PCYOX1: variants seen among roughly 807,000 people sequenced by gnomAD.
PCYOX1 encodes the protein prenylcysteine lyase.
Under a neutral mutation model 46.4 loss-of-function variants are expected in PCYOX1, and 46 were observed. The ratio of observed to expected loss-of-function variants is 0.99; its 90% CI spans 0.78 to 1.27. The LOEUF is 1.27. Among genes scored for constraint, PCYOX1 ranks in the 50% most tolerant of loss-of-function variants. PCYOX1 has a pLI of 0.00. For missense variants in PCYOX1, 658 were observed against 628.3 expected, an observed-to-expected ratio of 1.05 and a Z score of -0.51; for synonymous variants, 220 against 231.8, an observed-to-expected ratio of 0.95 and a Z score of 0.46.
At chr2:70,275,228 C>G in intron 4 of PCYOX1, 58 bp downstream of exon 4, 1 of 1,360,756 alleles carries the variant, frequency 7.3e-7, no homozygotes. Context: ...TTACCTGATG[C>G]TATGGTGGTT....
rs576504564 is a variant in PCYOX1 at position 70,275,784 on chromosome 2, A to G, written c.859+118A>G. On this transcript the variant is annotated intron_variant, in intron 5 of 5. Transcript: ENST00000433351. Reference sequence around the variant, plus strand: ...CTAAAATGATGAAACTTGAAATTGTATATATTGTACCATATAGAAATATTC... The same window carrying G: ...CTAAAATGATGAAACTTGAAATTGTGTATATTGTACCATATAGAAATATTC... The G allele has an allele frequency of 8.7e-5, 87 of 998,412 alleles. 1 individual carries two copies. In the South Asian group the frequency reaches 1.3e-3, roughly 14 times the overall value. The allele number at this position is 998,412 out of a possible 1,614,324, so 61.8% of individuals were successfully genotyped here.
intron 5 of PCYOX1, 151 bp downstream of exon 5, chr2:70,275,817 G>C: frequency 1.3e-6 from 1 of 794,940 alleles, no homozygotes; most frequent in East Asian, 2.7e-5. Flanking sequence ...TTCCCCAATG[G>C]GCCAGGCACG....
chr2:70,267,150 G>A (rs930624855), intron 3 of PCYOX1, among the ~76,000 whole-genome samples: 2 of 151,952 alleles, frequency 1.3e-5, no homozygotes, highest in Non-Finnish European at 2.9e-5. Flanking sequence ...GTTCCCAGAC[G>A]GCGTCGCGGC....
intron 3 of PCYOX1, among the ~76,000 whole-genome samples, chr2:70,271,900 A>G (rs1244688801): frequency 6.6e-6 from 1 of 152,212 alleles, no homozygotes; most frequent in African/African-American, 2.4e-5. Flanking sequence ...ATTATCAGAT[A>G]TTTCAAAATA....
intron 3 of PCYOX1, among the ~76,000 whole-genome samples, chr2:70,268,599 A>G (rs1025734656): frequency 6.6e-6 from 1 of 152,090 alleles, no homozygotes; most frequent in African/African-American, 2.4e-5. Context: ...GGAGTTCGAG[A>G]CCAGCCTGAC....
chr2:70,263,848 A>T (rs1456376263), intron 3 of PCYOX1, among the ~76,000 whole-genome samples: 8 of 149,808 alleles, frequency 5.3e-5, no homozygotes, highest in Non-Finnish European at 1.2e-4. Context: ...TTTAGTAGAG[A>T]TGTGGTTTCA....
In PCYOX1 at chr2:70,280,718, T is replaced by A. The variant is rs1696761188; in HGVS notation, c.*3326T>A. The A allele has an allele frequency of 6.6e-6, 1 of 152,192 alleles. No homozygotes were observed. Among genetic ancestry groups the A allele is most frequent in the Non-Finnish European group, 1.5e-5 (1 of 68,034 alleles). The allele number at this position is 152,192 out of a possible 1,614,324, so 9.4% of individuals were successfully genotyped here. A position where few individuals can be genotyped will look rare whatever the true frequency, so the allele number is the denominator to read the frequency against. On this transcript the variant is annotated 3_prime_UTR_variant, in exon 6 of 6. Coordinates refer to ENST00000433351, the MANE Select transcript of PCYOX1 (RefSeq NM_016297.4). ...TCACATCAGTTCTCCTTATTGATTGTTAGTTTGATCCCTCTTGTTCTTTTG... is the reference window on the plus strand; with the variant it reads ...TCACATCAGTTCTCCTTATTGATTGATAGTTTGATCCCTCTTGTTCTTTTG...
At chr2:70,272,687 T>A (rs57168128) in intron 3 of PCYOX1, among the ~76,000 whole-genome samples, 1 of 150,932 alleles carries the variant, frequency 6.6e-6, no homozygotes, top group African/African-American at 2.4e-5. Flanking sequence ...GTATTTATTC[T>A]GTTTTTTCAT....
In PCYOX1 at chr2:70,277,145, C is replaced by T. The variant is rs1298905539; in HGVS notation, c.1271C>T (p.Ser424Phe). Reference sequence around the variant, plus strand: ...GCACAAATTTTAAAGCTCTTTCTGTCCTATGATTATGCTGTGAAGAAGCCA... The same window carrying T: ...GCACAAATTTTAAAGCTCTTTCTGTTCTATGATTATGCTGTGAAGAAGCCA... ...TKAQILKLFL[S>F]YDYAVKKPWL... Residue 424 changes from serine to phenylalanine, a missense_variant, in exon 6 of 6, where the codon TCC becomes TTC. Transcript: ENST00000433351. 3.7e-6 allele frequency: 6 copies of T among 1,614,134 alleles called. No individual in the cohort carries two copies. The South Asian group carries it at 5.5e-5, about 15-fold the overall frequency.
rs979143182 is a variant in PCYOX1, at chr2:70,277,167, G to A, written c.1293G>A (p.Lys431=). The change falls in exon 6 of 6, where the codon AAG becomes AAA. Residue 431 remains lysine (K), a synonymous_variant. Coordinates refer to ENST00000433351, the MANE Select transcript of PCYOX1 (RefSeq NM_016297.4). ...TGTCCTATGATTATGCTGTGAAGAAGCCATGGCTTGCATATCCTCACTATA... is the reference window on the plus strand; with the variant it reads ...TGTCCTATGATTATGCTGTGAAGAAACCATGGCTTGCATATCCTCACTATA... The part of the protein sequence containing the change: ...LFLSYDYAVK[K]PWLAYPHYKP... The A allele has an allele frequency of 6.2e-7, 1 of 1,614,056 alleles. No individual in the cohort carries two copies. Among genetic ancestry groups the A allele is most frequent in the Non-Finnish European group, 8.5e-7 (1 of 1,179,950 alleles).
At chr2:70,264,798 G>C (rs752919030) in intron 3 of PCYOX1, among the ~76,000 whole-genome samples, 1 of 151,862 alleles carries the variant, frequency 6.6e-6, no homozygotes, top group Non-Finnish European at 1.5e-5. Context: ...GATAGATCTT[G>C]AGGTCAGGAG....
intron 3 of PCYOX1, among the ~76,000 whole-genome samples, chr2:70,268,257 C>T (rs1371217408): frequency 6.6e-6 from 1 of 152,136 alleles, no homozygotes; most frequent in Admixed American, 6.5e-5. Context: ...TCTTTAAAAT[C>T]TAAGGCTCAT....
chr2:70,272,481 T>TG (rs1696615707), intron 3 of PCYOX1, among the ~76,000 whole-genome samples: 1 of 152,000 alleles, frequency 6.6e-6, no homozygotes, highest in South Asian at 2.1e-4. Context: ...AGGCTAGTCT[T>TG]GAACTCCTGG....
chr2:70,277,127 T>C lies in PCYOX1; in HGVS notation c.1253T>C (p.Ile418Thr), dbSNP rs1696682871. The stretch of plus-strand genomic sequence containing the variant: ...CAAGAAACTCTTACTAAAGCACAAA[T>C]TTTAAAGCTCTTTCTGTCCTATGAT... ...FSQETLTKAQ[I>T]LKLFLSYDYA... Residue 418 changes from isoleucine (I) to threonine (T), a missense_variant, in exon 6 of 6, where the codon ATT becomes ACT. Physicochemically the swap from Ile to Thr is moderately conservative, Grantham distance 89 (BLOSUM62 -1). Transcript: ENST00000433351. 1 of 1,614,222 alleles carries C rather than the reference T, an allele frequency of 6.2e-7. No individual in the cohort carries two copies. Among genetic ancestry groups the C allele is most frequent in the Non-Finnish European group, 8.5e-7 (1 of 1,180,036 alleles).
In PCYOX1 at chr2:70,259,473, G is replaced by T; in HGVS notation, c.226G>T (p.Ala76Ser). 2 of 1,614,102 alleles carry T rather than the reference G, an allele frequency of 1.2e-6. No individual in the cohort carries two copies. Among genetic ancestry groups the T allele is most frequent in the East Asian group, 2.2e-5 (1 of 44,892 alleles). The change falls in exon 2 of 6, where the codon GCT becomes TCT. Residue 76 changes from alanine to serine, a missense_variant. Ala to Ser is a moderately conservative substitution (Grantham distance 99, BLOSUM62 1). Coordinates refer to ENST00000433351, the MANE Select transcript of PCYOX1 (RefSeq NM_016297.4). ...AAGAGAAGAGGTCGGGGGCCGCCTG[G>T]CTACCATGATGGTGCAGGGGCAAGA... ...FEREEVGGRL[A>S]TMMVQGQEYE...
At chr2:70,273,266 T>C (rs1199389333) in intron 3 of PCYOX1, among the ~76,000 whole-genome samples, 1 of 152,202 alleles carries the variant, frequency 6.6e-6, no homozygotes, top group Non-Finnish European at 1.5e-5. Flanking sequence ...GGCTATTATT[T>C]TTCTGAAGAA....
rs1696685848 is a variant in PCYOX1, at chr2:70,277,267, AGTGCCATG to A, written c.1395_1402del (p.Ser465ArgfsTer26). The A allele has an allele frequency of 2.5e-6, 4 of 1,614,012 alleles. No homozygotes were observed. In the Admixed American group the frequency reaches 6.7e-5, roughly 27 times the overall value. ...CCTCAATGGCATAGAGTGTGCAGCAAGTGCCATGGAGATGAGTGCCATTGCAGCCCACA... is the reference window on the plus strand; with the variant it reads ...CCTCAATGGCATAGAGTGTGCAGCAAGAGATGAGTGCCATTGCAGCCCACA... On this transcript the variant is annotated frameshift_variant, in exon 6 of 6. Coordinates refer to ENST00000433351, the MANE Select transcript of PCYOX1 (RefSeq NM_016297.4). LOFTEE classifies it high-confidence loss of function.
intron 2 of PCYOX1, 71 bp downstream of exon 2, chr2:70,259,637 A>G (rs1696408033): frequency 2.6e-6 from 3 of 1,176,318 alleles, no homozygotes; most frequent in East Asian, 4.7e-5. Flanking sequence ...TCAGATGGAG[A>G]ACTGAAATTT....
At chr2:70,258,723 G>A (rs1311647423) in intron 1 of PCYOX1, among the ~76,000 whole-genome samples, 1 of 152,206 alleles carries the variant, frequency 6.6e-6, no homozygotes, top group East Asian at 1.9e-4. Context: ...AGTTGACCCT[G>A]CCTGCTTCCC....
Sources: gnomAD v4.1 joint callset for allele counts (sites outside exome capture counted in the v4.1 genomes callset) on GRCh38, gnomAD v4.1.1 for gene constraint, MANE v1.5 for transcripts, NCBI Gene and HGNC (gene_info 2026-07-23, HGNC 2026-07-21) for gene names.